Variants in EP300 observed in about 807,000 individuals in gnomAD.
The protein encoded by EP300 is histone acetyltransferase p300.
A neutral mutation model predicts 264.0 loss-of-function variants in EP300; 31 were observed. The observed-to-expected ratio is 0.12, with a 90% CI of 0.09 to 0.16. EP300 has a LOEUF of 0.16. Among genes scored for constraint, EP300 ranks in the 10% least tolerant of loss-of-function variants. The pLI is 1.00. For missense variants in EP300, 2,766 were observed against 3,052.9 expected, an observed-to-expected ratio of 0.91 and a Z score of 2.21; for synonymous variants, 1,340 against 1,045.4, an observed-to-expected ratio of 1.28 and a Z score of -5.44.
chr22:41,144,898 TA>T (rs34481158), intron 10 of EP300, among the ~76,000 whole-genome samples: 1,539 of 148,996 alleles, frequency 0.01, 30 homozygotes, highest in African/African-American at 0.035. Flanking sequence ...CTGGCTGCTT[TA>T]AAAAAAAAAG....
intron 11 of EP300, among the ~76,000 whole-genome samples, chr22:41,147,167 G>A (rs59568053): frequency 0.27 from 40,681 of 152,020 alleles, 6,467 homozygotes; most frequent in East Asian, 0.54. Context: ...TTAGCCGGTT[G>A]TAGTGGCACG....
intron 19 of EP300, chr22:41,159,629 C>T (rs1340333080): frequency 6.6e-6 from 1 of 152,168 alleles, no homozygotes; most frequent in African/African-American, 2.4e-5. Context: ...CACTTGATGG[C>T]TGTAGTCAGT....
At chr22:41,096,960 G>A (rs765397551) in intron 1 of EP300, among the ~76,000 whole-genome samples, 130 of 152,228 alleles carry the variant, frequency 8.5e-4, no homozygotes, top group African/African-American at 1.7e-3. Context: ...TTAGTGGTTC[G>A]TCATCCTAAC....
chr22:41,132,014 A>G (rs1601607525), intron 6 of EP300, among the ~76,000 whole-genome samples: 1 of 151,860 alleles, frequency 6.6e-6, no homozygotes, highest in Admixed American at 6.6e-5. Flanking sequence ...TGACCAACAT[A>G]GTGAAACCCC....
At chr22:41,125,318 C>T (rs2058875280) in intron 2 of EP300, among the ~76,000 whole-genome samples, 1 of 151,850 alleles carries the variant, frequency 6.6e-6, no homozygotes, top group Admixed American at 6.6e-5. Flanking sequence ...CGGGGTTTCA[C>T]CATGTTAGCC....
chr22:41,111,039 C>T (rs146123406), intron 1 of EP300, among the ~76,000 whole-genome samples: 183 of 151,466 alleles, frequency 1.2e-3, no homozygotes, highest in African/African-American at 4.3e-3. Flanking sequence ...AATCTCTGCT[C>T]ACTGCAAACT....
intron 1 of EP300, 126 bp downstream of exon 1, chr22:41,093,224 T>C: frequency 1.0e-6 from 1 of 983,864 alleles, no homozygotes; most frequent in Non-Finnish European, 1.5e-6. Flanking sequence ...ATTTTAAAGG[T>C]ATTTGAATGA....
At position 41,179,783 on chromosome 22, in the gene EP300, G is replaced by T; in HGVS notation, c.*827G>T. 1 of 230,156 alleles carries T rather than the reference G, an allele frequency of 4.3e-6. No homozygotes were observed. Among genetic ancestry groups the T allele is most frequent in the Non-Finnish European group, 8.6e-6 (1 of 116,130 alleles). The allele number at this position is 230,156 out of a possible 1,614,324, so 14.3% of individuals were successfully genotyped here. A position where few individuals can be genotyped will look rare whatever the true frequency, so the allele number is the denominator to read the frequency against. The stretch of plus-strand genomic sequence containing the variant: ...TAACAAAGTAAAAAAATTAAAAAGA[G>T]GGTAAGAAACGATTCCGGTGGGATG... On this transcript the variant is annotated 3_prime_UTR_variant, in exon 31 of 31. Transcript: ENST00000263253.
chr22:41,179,288 ATT>A lies in EP300; in HGVS notation c.*339_*340del. 1 of 301,224 alleles carries A rather than the reference ATT, an allele frequency of 3.3e-6. No individual in the cohort carries two copies. Among genetic ancestry groups the A allele is most frequent in the Non-Finnish European group, 6.2e-6 (1 of 160,182 alleles). The allele number at this position is 301,224 out of a possible 1,614,324, so 18.7% of individuals were successfully genotyped here. A position where few individuals can be genotyped will look rare whatever the true frequency, so the allele number is the denominator to read the frequency against. Reference sequence around the variant, plus strand: ...CCTTGCACCTCCAATAGGTTTTATTATTTTTTTTAAATTAATGAACATATGTA... The same window carrying A: ...CCTTGCACCTCCAATAGGTTTTATTATTTTTTAAATTAATGAACATATGTA... On this transcript the variant is annotated 3_prime_UTR_variant, in exon 31 of 31. Coordinates refer to ENST00000263253, the MANE Select transcript of EP300 (RefSeq NM_001429.4).
intron 22 of EP300, among the ~76,000 whole-genome samples, chr22:41,165,173 C>T (rs1299555978): frequency 2.0e-5 from 3 of 152,076 alleles, no homozygotes; most frequent in African/African-American, 2.4e-5. Context: ...TAGTGCTTTC[C>T]TTAACAGATT....
intron 1 of EP300, among the ~76,000 whole-genome samples, chr22:41,096,573 A>G (rs1327812642): frequency 1.3e-5 from 2 of 149,856 alleles, no homozygotes; most frequent in Admixed American, 6.7e-5. Flanking sequence ...TAATGTACAC[A>G]GTGGAGAAGT....
intron 23 of EP300, 167 bp from the exon 24 acceptor site, chr22:41,168,282 A>G: frequency 1.4e-6 from 1 of 695,202 alleles, no homozygotes; most frequent in South Asian, 1.7e-5. Flanking sequence ...CTGCACTCAT[A>G]TGACATGTAA....
At chr22:41,166,795 C>T in intron 23 of EP300, 129 bp downstream of exon 23, 1 of 591,756 alleles carries the variant, frequency 1.7e-6, no homozygotes, top group Non-Finnish European at 2.9e-6. Flanking sequence ...CTATAATCTC[C>T]TTATAGTTGA....
At chr22:41,112,192 A>G (rs949591117) in intron 1 of EP300, among the ~76,000 whole-genome samples, 1 of 122,648 alleles carries the variant, frequency 8.2e-6, no homozygotes, top group East Asian at 2.5e-4. Context: ...CTGGCCACCT[A>G]TTTTTTTATG....
chr22:41,158,504 A>G lies in EP300; in HGVS notation c.3590+4A>G. The G allele has an allele frequency of 6.2e-7, 1 of 1,613,702 alleles. No homozygotes were observed. Among genetic ancestry groups the G allele is most frequent in the South Asian group, 1.1e-5 (1 of 91,036 alleles). On this transcript the variant is annotated splice_donor_region_variant and intron_variant, in intron 19 of 30. Coordinates refer to ENST00000263253, the MANE Select transcript of EP300 (RefSeq NM_001429.4). Reference sequence around the variant, plus strand: ...CTTATTACAGTTACCAGAACAGGTAAGCTTGGCCAGGTGTGGACCATGGTC... The same window carrying G: ...CTTATTACAGTTACCAGAACAGGTAGGCTTGGCCAGGTGTGGACCATGGTC...
rs1486959230 is a variant in EP300 at position 41,147,899 on chromosome 22, C to T, written c.2194C>T (p.Pro732Ser). The T allele has an allele frequency of 6.2e-7, 1 of 1,614,166 alleles. No individual in the cohort carries two copies. The highest frequency in any genetic ancestry group is 1.1e-5 in the South Asian group (1 of 91,086). The part of the protein sequence containing the change: ...QPPIVPRQTP[P>S]LQHHGQLAQP... Reference sequence around the variant, plus strand: ...CCCTATTGTACCCCGGCAAACCCCTCCTCTTCAGCACCATGGACAGTTGGC... The same window carrying T: ...CCCTATTGTACCCCGGCAAACCCCTTCTCTTCAGCACCATGGACAGTTGGC... The change falls in exon 12 of 31, where the codon CCT becomes TCT. Residue 732 changes from proline to serine, a missense_variant. Coordinates refer to ENST00000263253, the MANE Select transcript of EP300 (RefSeq NM_001429.4).
At position 41,169,590 on chromosome 22, in the gene EP300, A is replaced by G. The variant is rs2059158649; in HGVS notation, c.4260A>G (p.Gly1420=). Residue 1420 remains glycine, a synonymous_variant, in exon 26 of 31, where the codon GGA becomes GGG. Transcript: ENST00000263253. The part of the protein sequence containing the change: ...RTAVYHEILI[G]YLEYVKKLGY... Reference sequence around the variant, plus strand: ...CAGTCTATCATGAAATCCTAATTGGATATTTAGAATATGTCAAGAAATTAG... The same window carrying G: ...CAGTCTATCATGAAATCCTAATTGGGTATTTAGAATATGTCAAGAAATTAG... 1.9e-6 allele frequency: 3 copies of G among 1,603,338 alleles called. No individual in the cohort carries two copies. The highest frequency in any genetic ancestry group is 1.7e-5 in the Admixed American group (1 of 60,008).
At chr22:41,106,822 C>T (rs1292031107) in intron 1 of EP300, among the ~76,000 whole-genome samples, 2 of 152,074 alleles carry the variant, frequency 1.3e-5, no homozygotes, top group African/African-American at 4.8e-5. Flanking sequence ...GTCTAAAACT[C>T]CTGGGCTCAA....
Position 41,168,507 on chromosome 22 carries a change from G to A in EP300, c.3933G>A (p.Arg1311=), listed in dbSNP as rs1347207948. 2 of 1,614,176 alleles carry A rather than the reference G, an allele frequency of 1.2e-6. No homozygotes were observed. The highest frequency in any genetic ancestry group is 1.7e-5 in the Admixed American group (1 of 60,014). The change falls in exon 24 of 31, where the codon AGG becomes AGA. Residue 1311 remains arginine, a synonymous_variant. Transcript: ENST00000263253. ...FLENRVNDFL[R]RQNHPESGEV... ...AGAATCGTGTGAATGACTTTCTGAG[G>A]CGACAGAATCACCCTGAGTCAGGAG... is the stretch of plus-strand genomic sequence containing the variant.
Sources: gnomAD v4.1 joint callset for allele counts (sites outside exome capture counted in the v4.1 genomes callset) on GRCh38, gnomAD v4.1.1 for gene constraint, MANE v1.5 for transcripts, NCBI Gene and HGNC (gene_info 2026-07-23, HGNC 2026-07-21) for gene names.